The following STK24 variants were observed in gnomAD, a reference collection of about 807,000 sequenced individuals.
STK24 encodes the protein serine/threonine kinase 24.
A neutral mutation model predicts 55.6 loss-of-function variants in STK24; 21 were observed. The ratio of observed to expected loss-of-function variants is 0.38; its 90% CI spans 0.27 to 0.54. The LOEUF (loss-of-function observed/expected upper bound fraction) is 0.54, where lower values mean the gene tolerates loss of function less well. Ranked by LOEUF, STK24 falls within the 20% of genes least tolerant of loss-of-function variation. STK24 has a pLI of 0.79. For missense variants in STK24, 383 were observed against 538.4 expected (o/e 0.71, Z 2.86); for synonymous variants, 200 against 215.2 (o/e 0.93, Z 0.62).
At chr13:98,510,288 T>G (rs947957938) in intron 2 of STK24, among the ~76,000 whole-genome samples, 7 of 152,214 alleles carry the variant, frequency 4.6e-5, no homozygotes, top group African/African-American at 1.7e-4. Context: ...AGAAGCATCC[T>G]GTGAAAGGCA....
At chr13:98,566,465 T>C (rs9517352) in intron 1 of STK24, among the ~76,000 whole-genome samples, 25,643 of 152,150 alleles carry the variant, frequency 0.17, 2,204 homozygotes, top group South Asian at 0.19. Flanking sequence ...CCAGTGATGC[T>C]GTTTTCTAGC....
chr13:98,524,555 G>A (rs1321485227), intron 1 of STK24, among the ~76,000 whole-genome samples: 1 of 152,206 alleles, frequency 6.6e-6, no homozygotes, highest in Non-Finnish European at 1.5e-5. Context: ...ACAGCCACAC[G>A]AATGCACCTC....
intron 5 of STK24, among the ~76,000 whole-genome samples, chr13:98,469,074 T>C (rs1011892288): frequency 3.3e-5 from 5 of 152,226 alleles, no homozygotes; most frequent in South Asian, 2.1e-4. Context: ...GAGGACTTGC[T>C]TTCAGGTTCA....
intron 1 of STK24, chr13:98,521,999 G>T: frequency 7.0e-7 from 1 of 1,436,140 alleles, no homozygotes; most frequent in Non-Finnish European, 9.2e-7. Context: ...CTAACCCAAA[G>T]CCCTCCTCCT....
At chr13:98,554,650 C>T (rs1232377636) in intron 1 of STK24, among the ~76,000 whole-genome samples, 1 of 152,128 alleles carries the variant, frequency 6.6e-6, no homozygotes, top group Non-Finnish European at 1.5e-5. Context: ...GGTAAGACTC[C>T]ACCTCTACAA....
intron 1 of STK24, among the ~76,000 whole-genome samples, chr13:98,553,088 C>T (rs1897195766): frequency 6.6e-6 from 1 of 152,126 alleles, no homozygotes; most frequent in South Asian, 2.1e-4. Flanking sequence ...ATCTCTGCAC[C>T]TTACACTCAA....
rs114438942 is a variant in STK24 at position 98,549,483 on chromosome 13, G to C, written c.42+27262C>G. Among the ~76,000 whole-genome samples the C allele has an allele frequency of 2.3e-3, 346 of 152,326 alleles. 4 individuals are homozygous for C. The highest frequency in any genetic ancestry group is 7.9e-3 in the African/African-American group (328 of 41,578). ...TTGGAGGTGGGGCCTGCTGGGAGGT[G>C]TTTGGATCATGGGGGTGGATCCCTC... On this transcript the variant is annotated intron_variant, in intron 1 of 10. Coordinates refer to ENST00000539966, the MANE Select transcript of STK24 (RefSeq NM_001032296.4).
At chr13:98,498,673 G>C (rs1460486602) in intron 2 of STK24, among the ~76,000 whole-genome samples, 2 of 152,220 alleles carry the variant, frequency 1.3e-5, no homozygotes, top group Non-Finnish European at 2.9e-5. Flanking sequence ...TATCAGGTTA[G>C]ATGGACATGA....
At position 98,475,045 on chromosome 13, in the gene STK24, C is replaced by T. The variant is rs537445561; in HGVS notation, c.440-67G>A. On this transcript the variant is annotated intron_variant, in intron 4 of 10. Coordinates refer to ENST00000539966, the MANE Select transcript of STK24 (RefSeq NM_001032296.4). ...ACAACTCCGTGCACTGCCACAAGCGCGTCTTCTCCCTGGCTGGGTGGCGAA... is the reference window on the plus strand; with the variant it reads ...ACAACTCCGTGCACTGCCACAAGCGTGTCTTCTCCCTGGCTGGGTGGCGAA... The T allele has an allele frequency of 3.5e-5, 53 of 1,525,580 alleles. 2 individuals carry two copies. In the South Asian group the frequency reaches 4.7e-4, roughly 14 times the overall value. 94.5% of individuals were successfully genotyped at this position (1,525,580 alleles called of 1,614,324 possible).
intron 5 of STK24, among the ~76,000 whole-genome samples, chr13:98,467,491 G>C (rs748114865): frequency 6.6e-6 from 1 of 152,138 alleles, no homozygotes; most frequent in Non-Finnish European, 1.5e-5. Context: ...GGTCGCTAAG[G>C]CTCTTTCAAC....
intron 1 of STK24, among the ~76,000 whole-genome samples, chr13:98,566,061 G>GC (rs1329382379): frequency 1.3e-5 from 2 of 152,090 alleles, no homozygotes; most frequent in Non-Finnish European, 2.9e-5. Flanking sequence ...AGAAGGCCCA[G>GC]CCCCTCCGGC....
intron 2 of STK24, among the ~76,000 whole-genome samples, chr13:98,497,610 C>G (rs1167207328): frequency 6.6e-6 from 1 of 152,216 alleles, no homozygotes; most frequent in East Asian, 1.9e-4. Context: ...AGAGGTGGCT[C>G]AGGAGACCTG....
At chr13:98,514,180 T>C (rs547647269) in intron 2 of STK24, among the ~76,000 whole-genome samples, 8 of 152,332 alleles carry the variant, frequency 5.3e-5, no homozygotes, top group Admixed American at 2.6e-4. Flanking sequence ...TGAAAGTCAA[T>C]AGGCCAGTTA....
At chr13:98,525,975 T>C (rs1896415640) in intron 1 of STK24, among the ~76,000 whole-genome samples, 1 of 151,934 alleles carries the variant, frequency 6.6e-6, no homozygotes, top group Non-Finnish European at 1.5e-5. Flanking sequence ...GACCTCGGGG[T>C]TAAGAGCCAC....
intron 9 of STK24, among the ~76,000 whole-genome samples, chr13:98,458,707 C>T (rs780379844): frequency 3.7e-4 from 56 of 152,300 alleles, no homozygotes; most frequent in Non-Finnish European, 2.2e-4. Flanking sequence ...GCAGAAGGGC[C>T]GCCCTGGGAG....
chr13:98,504,506 A>G (rs1205896237), intron 2 of STK24, among the ~76,000 whole-genome samples: 1 of 152,256 alleles, frequency 6.6e-6, no homozygotes, highest in Non-Finnish European at 1.5e-5. Flanking sequence ...GTTAACAGCA[A>G]TCCCGCTGAC....
At chr13:98,496,462 C>T (rs1895255894) in intron 2 of STK24, among the ~76,000 whole-genome samples, 2 of 152,192 alleles carry the variant, frequency 1.3e-5, no homozygotes, top group South Asian at 4.1e-4. Context: ...CACTGGGCCC[C>T]GGTGGGCTGT....
chr13:98,556,335 C>A (rs1285569472), intron 1 of STK24, among the ~76,000 whole-genome samples: 4 of 152,236 alleles, frequency 2.6e-5, no homozygotes, highest in Non-Finnish European at 4.4e-5. Flanking sequence ...ATCATTAAGG[C>A]TGGGTGCTGC....
chr13:98,549,060 C>T (rs916927503), intron 1 of STK24, among the ~76,000 whole-genome samples: 1 of 152,142 alleles, frequency 6.6e-6, no homozygotes, highest in African/African-American at 2.4e-5. Context: ...AATGGAGACA[C>T]TATCCTGAGA....
Sources: allele counts gnomAD v4.1 joint callset (sites outside exome capture counted in the v4.1 genomes callset), GRCh38; gene constraint gnomAD v4.1.1; transcripts MANE v1.5; gene names NCBI Gene and HGNC (gene_info 2026-07-23, HGNC 2026-07-21).